ALPK3: variants seen among roughly 807,000 people sequenced by gnomAD.
ALPK3 encodes the protein alpha-protein kinase 3.
ALPK3 carries 102 observed loss-of-function variants against 140.0 expected under a neutral mutation model. The ratio of observed to expected loss-of-function variants is 0.73; its 90% CI spans 0.62 to 0.86. ALPK3 has a LOEUF of 0.86. ALPK3 is among the 40% of genes least tolerant of loss of function. ALPK3 has a pLI of 0.00. For missense variants in ALPK3, 2,254 were observed against 2,208.2 expected (o/e 1.02, Z -0.42); for synonymous variants, 938 against 898.5 (o/e 1.04, Z -0.79).
At position 84,856,426 on chromosome 15, in the gene ALPK3, T is replaced by C. The variant is rs150028343; in HGVS notation, c.1688T>C (p.Met563Thr). 24 of 1,609,626 alleles carry C rather than the reference T, an allele frequency of 1.5e-5. No homozygotes were observed. Among genetic ancestry groups the C allele is most frequent in the Non-Finnish European group, 1.9e-5 (22 of 1,178,152 alleles). The change falls in exon 6 of 14, where the codon ATG becomes ACG. Residue 563 changes from methionine to threonine, a missense_variant. This residue lies in a region of ALPK3 where 2,088 missense variants were observed against 2,022.9 expected (regional missense o/e 1.03). Coordinates refer to ENST00000258888, the MANE Select transcript of ALPK3 (RefSeq NM_020778.5). Reference protein sequence around the residue: ...LECQTTTAPTMSASSSSDVAS... With the variant: ...LECQTTTAPTTSASSSSDVAS... ...TGCCAGACAACCACGGCTCCTACCA[T>C]GTCGGCCAGCAGCAGCTCTGATGTA...
intron 5 of ALPK3, among the ~76,000 whole-genome samples, chr15:84,850,460 T>C (rs572117351): frequency 6.6e-6 from 1 of 152,310 alleles, no homozygotes; most frequent in Admixed American, 6.5e-5. Context: ...CATAGCTTAC[T>C]GCAGCCTCGA....
At chr15:84,836,282 G>A (rs1420914109) in intron 3 of ALPK3, among the ~76,000 whole-genome samples, 1 of 152,202 alleles carries the variant, frequency 6.6e-6, no homozygotes, top group Non-Finnish European at 1.5e-5. Context: ...TGCGTGAAAT[G>A]GAGCTAATTG....
In ALPK3 at chr15:84,868,981, C is replaced by T. The variant is rs1056453622; in HGVS notation, c.*525C>T. ...TCTTCTCCTTCCAGCTACTTTCGCTCACTGATCTCAGCTTATCCTGCAACT... is the reference window on the plus strand; with the variant it reads ...TCTTCTCCTTCCAGCTACTTTCGCTTACTGATCTCAGCTTATCCTGCAACT... On this transcript the variant is annotated 3_prime_UTR_variant, in exon 14 of 14. Coordinates refer to ENST00000258888, the MANE Select transcript of ALPK3 (RefSeq NM_020778.5). 7 of 161,152 alleles carry T rather than the reference C, an allele frequency of 4.3e-5. No individual in the cohort carries two copies. The highest frequency in any genetic ancestry group is 1.7e-4 in the African/African-American group (7 of 41,574). 10.0% of individuals were successfully genotyped at this position (161,152 alleles called of 1,614,324 possible). A position where few individuals can be genotyped will look rare whatever the true frequency, so the allele number is the denominator to read the frequency against.
intron 1 of ALPK3, among the ~76,000 whole-genome samples, chr15:84,818,625 A>G (rs1317283099): frequency 6.6e-6 from 1 of 152,256 alleles, no homozygotes; most frequent in African/African-American, 2.4e-5. Context: ...AAAAACAGGC[A>G]TCGAGGACAT....
chr15:84,817,687 T>C (rs1963377069), intron 1 of ALPK3, 92 bp downstream of exon 1: 1 of 1,336,964 alleles, frequency 7.5e-7, no homozygotes, highest in Non-Finnish European at 9.6e-7. Flanking sequence ...AGGCCTGGGC[T>C]GGGCCTGCGC....
chr15:84,840,393 G>C lies in ALPK3; in HGVS notation c.1114G>C (p.Gly372Arg). The C allele has an allele frequency of 6.2e-7, 1 of 1,613,912 alleles. No individual in the cohort carries two copies. The highest frequency in any genetic ancestry group is 8.5e-7 in the Non-Finnish European group (1 of 1,179,888). ...GVEQVQTQPR[G>R]RAARGPGSSG... ...GGAGCAGGTTCAGACCCAGCCCAGA[G>C]GCAGGGCTGCACGGGGGCCTGGGTC... The change falls in exon 5 of 14, where the codon GGC (glycine) becomes CGC (arginine). Residue 372 changes from glycine to arginine, a missense_variant. Gly to Arg is a moderately radical substitution (Grantham distance 125, BLOSUM62 -2). This residue lies in a region of ALPK3 where 2,088 missense variants were observed against 2,022.9 expected (regional missense o/e 1.03). Coordinates refer to ENST00000258888, the MANE Select transcript of ALPK3 (RefSeq NM_020778.5).
chr15:84,856,310 C>T, intron 5 of ALPK3, 82 bp from the exon 6 acceptor site: 1 of 1,522,816 alleles, frequency 6.6e-7, no homozygotes, highest in South Asian at 1.3e-5. Context: ...TAGATGAGGT[C>T]CGAGGAGACT....
intron 5 of ALPK3, among the ~76,000 whole-genome samples, chr15:84,848,342 C>A (rs1351070562): frequency 1.3e-5 from 2 of 151,134 alleles, no homozygotes; most frequent in Non-Finnish European, 2.9e-5. Context: ...GTAAAGAGAC[C>A]TATATGATGG....
At chr15:84,848,247 T>C in intron 5 of ALPK3, among the ~76,000 whole-genome samples, 1 of 143,372 alleles carries the variant, frequency 7.0e-6, no homozygotes, top group South Asian at 2.2e-4. Context: ...AGGTAAAAAG[T>C]AAAAAAAAAA....
At chr15:84,831,297 C>G (rs1963543222) in intron 3 of ALPK3, among the ~76,000 whole-genome samples, 1 of 152,106 alleles carries the variant, frequency 6.6e-6, no homozygotes, top group African/African-American at 2.4e-5. Context: ...AAACGGAGAG[C>G]CTTTAGTTCT....
intron 4 of ALPK3, 102 bp downstream of exon 4, chr15:84,839,199 C>T (rs1284803717): frequency 1.0e-6 from 1 of 979,418 alleles, no homozygotes; most frequent in Admixed American, 2.2e-5. Flanking sequence ...GATGCCCAGG[C>T]ACTCTCTGGG....
chr15:84,851,518 C>G (rs1339615880), intron 5 of ALPK3, among the ~76,000 whole-genome samples: 1 of 152,172 alleles, frequency 6.6e-6, no homozygotes, highest in Non-Finnish European at 1.5e-5. Flanking sequence ...AATATTAAGT[C>G]TCCCCACTTC....
In ALPK3 at chr15:84,853,530, C is replaced by G. The variant is rs1165539167; in HGVS notation, c.1654-2862C>G. Reference sequence around the variant, plus strand: ...TCGGGAGGCTAAGGCAGGAGAATTGCTTGAACCTGAGAGGTAGAGGTTCCA... The same window carrying G: ...TCGGGAGGCTAAGGCAGGAGAATTGGTTGAACCTGAGAGGTAGAGGTTCCA... On this transcript the variant is annotated intron_variant, in intron 5 of 13. Coordinates refer to ENST00000258888, the MANE Select transcript of ALPK3 (RefSeq NM_020778.5). Among the ~76,000 whole-genome samples the G allele has an allele frequency of 2.6e-5, 4 of 152,344 alleles. 1 individual carries two copies. The East Asian group carries it at 7.7e-4, about 29-fold the overall frequency.
At chr15:84,839,651 G>T (rs566442498) in intron 4 of ALPK3, 51 bp from the exon 5 acceptor site, 2 of 1,534,284 alleles carry the variant, frequency 1.3e-6, no homozygotes, top group East Asian at 2.3e-5. Flanking sequence ...GGGTGTGGGG[G>T]CTCTCACCTC....
chr15:84,828,403 A>G (rs370466983), intron 3 of ALPK3, among the ~76,000 whole-genome samples: 3 of 152,174 alleles, frequency 2.0e-5, no homozygotes, highest in Non-Finnish European at 2.9e-5. Context: ...ATCACCCAGT[A>G]GAGACTCCAA....
intron 1 of ALPK3, among the ~76,000 whole-genome samples, chr15:84,822,108 T>C (rs1434885319): frequency 6.6e-6 from 1 of 151,840 alleles, no homozygotes; most frequent in African/African-American, 2.4e-5. Flanking sequence ...AAGTGGGTTA[T>C]ATGAGGGGTT....
chr15:84,837,055 C>T (rs909708003), intron 3 of ALPK3, among the ~76,000 whole-genome samples: 8 of 152,088 alleles, frequency 5.3e-5, no homozygotes, highest in Admixed American at 3.9e-4. Flanking sequence ...ATGTACAAGT[C>T]ATGGGTGACT....
intron 3 of ALPK3, among the ~76,000 whole-genome samples, chr15:84,838,631 A>ATTC: frequency 1.4e-5 from 1 of 72,604 alleles, no homozygotes; most frequent in East Asian, 1.3e-3. Context: ...TATTATTATT[A>ATTC]TTATTATTGA....
In ALPK3 at chr15:84,836,417, T is replaced by C. The variant is rs558328372; in HGVS notation, c.305-2563T>C. Reference sequence around the variant, plus strand: ...ATCAGTGAGGAGGTTATTAAAGAAATTGAGGTGTGAGATGATGGGAATGTG... The same window carrying C: ...ATCAGTGAGGAGGTTATTAAAGAAACTGAGGTGTGAGATGATGGGAATGTG... On this transcript the variant is annotated intron_variant, in intron 3 of 13. Coordinates refer to ENST00000258888, the MANE Select transcript of ALPK3 (RefSeq NM_020778.5). Among the ~76,000 whole-genome samples the C allele has an allele frequency of 1.2e-4, 18 of 152,172 alleles. No individual in the cohort carries two copies. In the South Asian group the frequency reaches 1.2e-3, roughly 11 times the overall value.
Sources: gnomAD v4.1 joint callset for allele counts (sites outside exome capture counted in the v4.1 genomes callset) on GRCh38, gnomAD v4.1.1 for gene constraint, gnomAD v4.1.1 regional missense constraint, MANE v1.5 for transcripts, NCBI Gene and HGNC (gene_info 2026-07-23, HGNC 2026-07-21) for gene names.